Variants in DEPDC4 observed in about 807,000 individuals in gnomAD.
DEPDC4 encodes the protein DEP domain-containing protein 4.
Under a neutral mutation model 52.0 loss-of-function variants are expected in DEPDC4, and 52 were observed. The observed-to-expected ratio is 1.00, with a 90% CI of 0.80 to 1.26. DEPDC4 has a LOEUF of 1.26. Ranked by LOEUF, DEPDC4 falls within the 50% of genes most tolerant of loss-of-function variation. DEPDC4 has a pLI of 0.00. For synonymous variants in DEPDC4, 201 were observed against 196.8 expected, an observed-to-expected ratio of 1.02 and a Z score of -0.18; for missense variants, 530 against 546.9, an observed-to-expected ratio of 0.97 and a Z score of 0.31.
chr12:100,251,087 G>A (rs917753435), intron 7 of DEPDC4, among the ~76,000 whole-genome samples: 2 of 152,072 alleles, frequency 1.3e-5, no homozygotes, highest in African/African-American at 2.4e-5. Flanking sequence ...TCAATATGTT[G>A]CATTATGACA....
intron 3 of DEPDC4, among the ~76,000 whole-genome samples, chr12:100,260,112 TA>T (rs2096248547): frequency 6.6e-6 from 1 of 151,818 alleles, no homozygotes; most frequent in African/African-American, 2.4e-5. Flanking sequence ...TTATTCTTAT[TA>T]TTACCTATAG....
intron 9 of DEPDC4, among the ~76,000 whole-genome samples, chr12:100,234,113 C>CA (rs1005798765): frequency 1.3e-5 from 2 of 151,798 alleles, no homozygotes; most frequent in African/African-American, 4.8e-5. Context: ...TCTCCAGAAA[C>CA]AAACAAACAA....
intron 1 of DEPDC4, among the ~76,000 whole-genome samples, chr12:100,265,382 G>A (rs1345577109): frequency 1.3e-5 from 2 of 152,114 alleles, no homozygotes; most frequent in Non-Finnish European, 2.9e-5. Context: ...GAGGTCAGGA[G>A]TTCAAGACCA....
upstream of DEPDC4, among the ~76,000 whole-genome samples, chr12:100,270,669 C>G (rs2096286671): frequency 2.8e-5 from 4 of 145,338 alleles, no homozygotes; most frequent in African/African-American, 1.0e-4. Flanking sequence ...GAGACAGGGT[C>G]TCACTATGTT....
chr12:100,266,461 T>C (rs1657151205), intron 1 of DEPDC4, among the ~76,000 whole-genome samples: 1 of 152,238 alleles, frequency 6.6e-6, no homozygotes, highest in African/African-American at 2.4e-5. Flanking sequence ...CCATAGACAG[T>C]CTACCTCTCT....
chr12:100,242,464 A>G (rs2096163729), intron 9 of DEPDC4, 22 bp downstream of exon 9: 1 of 153,162 alleles, frequency 6.5e-6, no homozygotes, highest in African/African-American at 2.4e-5. Context: ...AATAATAATA[A>G]TATCTTACAA....
intron 4 of DEPDC4, among the ~76,000 whole-genome samples, chr12:100,254,975 C>G (rs2096226286): frequency 6.6e-6 from 1 of 152,228 alleles, no homozygotes. Context: ...ATCTTCTCAG[C>G]TTAGCCTCCC....
At chr12:100,267,815 T>G (rs542926674), upstream of DEPDC4, 8 of 152,470 alleles carry the variant, frequency 5.2e-5, no homozygotes, top group East Asian at 1.4e-3. Flanking sequence ...ACCTCAGTTC[T>G]GAGGTCCGGA....
chr12:100,255,694 T>A (rs1405195520), intron 4 of DEPDC4, among the ~76,000 whole-genome samples: 1 of 152,166 alleles, frequency 6.6e-6, no homozygotes, highest in Non-Finnish European at 1.5e-5. Flanking sequence ...CATGTATGTC[T>A]CCCCCTTCTA....
At chr12:100,232,420 A>G (rs1376853092) in intron 9 of DEPDC4, among the ~76,000 whole-genome samples, 1 of 151,868 alleles carries the variant, frequency 6.6e-6, no homozygotes, top group Non-Finnish European at 1.5e-5. Flanking sequence ...ATCTTTGTAT[A>G]TGGGTTAATT....
At chr12:100,232,256 T>C (rs1396885190) in intron 9 of DEPDC4, among the ~76,000 whole-genome samples, 1 of 151,440 alleles carries the variant, frequency 6.6e-6, no homozygotes, top group African/African-American at 2.4e-5. Context: ...ATTAGCCAGG[T>C]ATGGTGGCAC....
At chr12:100,250,706 G>A (rs1015382562) in intron 7 of DEPDC4, among the ~76,000 whole-genome samples, 1 of 152,048 alleles carries the variant, frequency 6.6e-6, no homozygotes, top group African/African-American at 2.4e-5. Context: ...AGAGGAGAGA[G>A]GAGAGAAGTG....
At chr12:100,280,370 C>T in the DEPDC4 span, among the ~76,000 whole-genome samples, 3 of 151,990 alleles carry the variant, frequency 2.0e-5, no homozygotes, top group Non-Finnish European at 2.9e-5. Context: ...AATAATAAAA[C>T]CTAGTATGGG....
intron 3 of DEPDC4, among the ~76,000 whole-genome samples, 159 bp downstream of exon 3, chr12:100,262,105 G>A (rs1592904015): frequency 6.6e-6 from 1 of 152,314 alleles, no homozygotes; most frequent in East Asian, 1.9e-4. Context: ...GCAGGATGTT[G>A]ATAATGGGGA....
the DEPDC4 span, among the ~76,000 whole-genome samples, chr12:100,275,480 A>G: frequency 1.1e-4 from 17 of 152,298 alleles, no homozygotes; most frequent in Non-Finnish European, 2.1e-4. Context: ...ACAGGCATGA[A>G]TTACTATGCC....
At chr12:100,246,569 A>G (rs1235168619) in intron 8 of DEPDC4, among the ~76,000 whole-genome samples, 2 of 152,226 alleles carry the variant, frequency 1.3e-5, no homozygotes, top group East Asian at 3.8e-4. Context: ...AAAAATGTTA[A>G]GTGAATAACT....
intron 9 of DEPDC4, among the ~76,000 whole-genome samples, chr12:100,232,803 A>G (rs1020574947): frequency 5.3e-5 from 8 of 151,908 alleles, no homozygotes; most frequent in African/African-American, 1.9e-4. Flanking sequence ...CAATCGCTTG[A>G]ACCTGGGAGG....
upstream of DEPDC4, chr12:100,267,162 G>C (rs1295617707): frequency 4.8e-6 from 7 of 1,444,818 alleles, no homozygotes; most frequent in Non-Finnish European, 5.7e-6. Context: ...CATGCCCCCG[G>C]CCGGCAGGTC....
intron 1 of DEPDC4, among the ~76,000 whole-genome samples, 169 bp from the exon 2 acceptor site, chr12:100,264,062 C>T (rs1262837654): frequency 6.6e-6 from 1 of 152,134 alleles, no homozygotes; most frequent in African/African-American, 2.4e-5. Context: ...TAAGTTGCAC[C>T]ATGTGGGTCT....
Sources: allele counts gnomAD v4.1 joint callset (sites outside exome capture counted in the v4.1 genomes callset), GRCh38; gene constraint gnomAD v4.1.1; transcripts MANE v1.5; gene names NCBI Gene and HGNC (gene_info 2026-07-23, HGNC 2026-07-21).